ZGPAT: variants seen among roughly 807,000 people sequenced by gnomAD.
ZGPAT encodes zinc finger CCCH-type and G-patch domain containing, also known as zinc finger CCCH-type with G patch domain-containing protein.
Under a neutral mutation model 47.9 loss-of-function variants are expected in ZGPAT, and 39 were observed. The ratio of observed to expected loss-of-function variants is 0.81; its 90% CI spans 0.63 to 1.06. ZGPAT has a LOEUF of 1.06. Among genes scored for constraint, ZGPAT ranks in the 50% least tolerant of loss-of-function variants. The pLI is 0.00. For synonymous variants in ZGPAT, 348 were observed against 292.9 expected, an observed-to-expected ratio of 1.19 and a Z score of -1.92; for missense variants, 717 against 681.4, an observed-to-expected ratio of 1.05 and a Z score of -0.58.
Position 63,733,884 on chromosome 20 carries a change from G to T in ZGPAT, c.871+145G>T, listed in dbSNP as rs189474680. On this transcript the variant is annotated intron_variant, in intron 4 of 6. Coordinates refer to ENST00000355969, the MANE Select transcript of ZGPAT (RefSeq NM_181485.3). ...GGTGCCACCTGTGCCTGAGGAGGCCGTGTGGGTAGGGGTAGATCCGTGGCG... is the reference window on the plus strand; with the variant it reads ...GGTGCCACCTGTGCCTGAGGAGGCCTTGTGGGTAGGGGTAGATCCGTGGCG... The T allele has an allele frequency of 1.9e-5, 21 of 1,077,432 alleles. No homozygotes were observed. The African/African-American group carries it at 3.0e-4, about 16-fold the overall frequency. The allele number at this position is 1,077,432 out of a possible 1,614,324, so 66.7% of individuals were successfully genotyped here. A position where few individuals can be genotyped will look rare whatever the true frequency, so the allele number is the denominator to read the frequency against.
chr20:63,713,620 C>T (rs2091694166), intron 2 of ZGPAT, among the ~76,000 whole-genome samples: 1 of 151,364 alleles, frequency 6.6e-6, no homozygotes, highest in Non-Finnish European at 1.5e-5. Context: ...CCTGTAATCC[C>T]AGCACTTTGG....
rs890626312 is a variant in ZGPAT, at chr20:63,736,054, G to A, written c.*135G>A. 3 of 1,317,434 alleles carry A rather than the reference G, an allele frequency of 2.3e-6. No individual in the cohort carries two copies. The highest frequency in any genetic ancestry group is 1.5e-5 in the African/African-American group (1 of 67,060). 81.6% of individuals were successfully genotyped at this position (1,317,434 alleles called of 1,614,324 possible). A position where few individuals can be genotyped will look rare whatever the true frequency, so the allele number is the denominator to read the frequency against. ...ACTGCTGAGTGGAGACAGAGCTGCG[G>A]GGTCCCATCTGGACACTTACTTGCC... is the stretch of plus-strand genomic sequence containing the variant. On this transcript the variant is annotated 3_prime_UTR_variant, in exon 7 of 7. Coordinates refer to ENST00000355969, the MANE Select transcript of ZGPAT (RefSeq NM_181485.3).
At chr20:63,707,470 G>A (rs931168343), upstream of ZGPAT, 9 of 176,884 alleles carry the variant, frequency 5.1e-5, no homozygotes, top group South Asian at 1.3e-4. Context: ...AGCCCCGCCT[G>A]GGCCACGGCA....
chr20:63,721,612 T>C (rs899040001), intron 2 of ZGPAT, among the ~76,000 whole-genome samples: 4 of 152,156 alleles, frequency 2.6e-5, no homozygotes, highest in Non-Finnish European at 5.9e-5. Context: ...CCAAAGCCCT[T>C]AGACCTTCAT....
chr20:63,732,650 A>G (rs953257609), intron 2 of ZGPAT, among the ~76,000 whole-genome samples: 32 of 151,856 alleles, frequency 2.1e-4, no homozygotes, highest in African/African-American at 6.5e-4. Context: ...ACATGTGTTA[A>G]TGTGTGTGTA....
intron 2 of ZGPAT, among the ~76,000 whole-genome samples, chr20:63,727,516 TAA>T (rs550819112): frequency 3.5e-4 from 53 of 151,946 alleles, no homozygotes; most frequent in African/African-American, 1.1e-3. Context: ...ACTAAAAATA[TAA>T]AAGTTAGCTG....
intron 2 of ZGPAT, among the ~76,000 whole-genome samples, chr20:63,718,228 C>CT (rs1327115786): frequency 1.3e-5 from 2 of 152,072 alleles, no homozygotes; most frequent in Non-Finnish European, 2.9e-5. Flanking sequence ...TTTCATTGAT[C>CT]TCAAGACATC....
chr20:63,736,059 C>T lies in ZGPAT; in HGVS notation c.*140C>T, dbSNP rs968213339. The T allele has an allele frequency of 1.0e-5, 13 of 1,244,122 alleles. No homozygotes were observed. The highest frequency in any genetic ancestry group is 1.3e-5 in the Non-Finnish European group (12 of 908,380). 77.1% of individuals were successfully genotyped at this position (1,244,122 alleles called of 1,614,324 possible). ...TGAGTGGAGACAGAGCTGCGGGGTC[C>T]CATCTGGACACTTACTTGCCCACCT... is the stretch of plus-strand genomic sequence containing the variant. On this transcript the variant is annotated 3_prime_UTR_variant, in exon 7 of 7. Coordinates refer to ENST00000355969, the MANE Select transcript of ZGPAT (RefSeq NM_181485.3).
Position 63,735,313 on chromosome 20 carries a change from G to A in ZGPAT, c.1146G>A (p.Gly382=). Residue 382 remains glycine (G), a synonymous_variant, in exon 6 of 7, where the codon GGG becomes GGA. Transcript: ENST00000355969. ...AGCCCCCCAGGTGCCGGGGAAGAGG[G>A]GCCAGGCCTGGGGGCCGCCCAGCTC... is the stretch of plus-strand genomic sequence containing the variant. ...TNKPPRCRGR[G]ARPGGRPAPR... is the part of the protein sequence containing the mutation. The A allele has an allele frequency of 1.9e-6, 3 of 1,590,788 alleles. No homozygotes were observed. Among genetic ancestry groups the A allele is most frequent in the Non-Finnish European group, 2.6e-6 (3 of 1,169,728 alleles).
intron 2 of ZGPAT, 119 bp from the exon 3 acceptor site, chr20:63,733,100 G>T (rs574358149): frequency 3.1e-6 from 4 of 1,304,558 alleles, no homozygotes; most frequent in Non-Finnish European, 4.2e-6. Flanking sequence ...GTATGTATAC[G>T]CACGCGTGTG....
chr20:63,715,068 G>A (rs568741500), intron 2 of ZGPAT, among the ~76,000 whole-genome samples: 1 of 151,988 alleles, frequency 6.6e-6, no homozygotes, highest in Admixed American at 6.6e-5. Context: ...CTCAGATAAA[G>A]CACGCATATT....
chr20:63,731,099 A>G (rs2091896852), intron 2 of ZGPAT, among the ~76,000 whole-genome samples: 1 of 152,066 alleles, frequency 6.6e-6, no homozygotes, highest in Admixed American at 6.6e-5. Context: ...TCATGCACAT[A>G]CACACCCCCA....
rs1157265529 is a variant in ZGPAT at position 63,709,068 on chromosome 20, C to T, written c.488C>T (p.Ala163Val). The change falls in exon 2 of 7, where the codon GCG becomes GTG. Residue 163 changes from alanine to valine, a missense_variant. Transcript: ENST00000355969. ...VGTEEAEDGS[A>V]GVRVLYLYPT... The stretch of plus-strand genomic sequence containing the variant: ...ACGGAAGAGGCGGAGGATGGCTCGG[C>T]GGGTGTCCGTGTGCTTTACCTGTAC... 5.6e-6 allele frequency: 9 copies of T among 1,613,354 alleles called. No individual in the cohort carries two copies. Among genetic ancestry groups the T allele is most frequent in the Admixed American group, 3.3e-5 (2 of 60,006 alleles).
intron 2 of ZGPAT, among the ~76,000 whole-genome samples, chr20:63,731,480 AC>A (rs2091901694): frequency 9.8e-6 from 1 of 102,236 alleles, no homozygotes; most frequent in Non-Finnish European, 2.3e-5. Flanking sequence ...GCATGTGCAT[AC>A]GTGTGTAAAG....
chr20:63,734,693 C>A lies in ZGPAT; in HGVS notation c.872-12C>A. 1 of 1,613,216 alleles carries A rather than the reference C, an allele frequency of 6.2e-7. No individual in the cohort carries two copies. The highest frequency in any genetic ancestry group is 8.5e-7 in the Non-Finnish European group (1 of 1,179,528). On this transcript the variant is annotated splice_polypyrimidine_tract_variant and intron_variant, in intron 4 of 6. Transcript: ENST00000355969. Reference sequence around the variant, plus strand: ...TCTGCACAGTCCTCTGCCCTCTGTCCGTCTCTTGCAGTGGTGGGGTCAGAT... The same window carrying A: ...TCTGCACAGTCCTCTGCCCTCTGTCAGTCTCTTGCAGTGGTGGGGTCAGAT...
intron 2 of ZGPAT, among the ~76,000 whole-genome samples, chr20:63,724,989 T>C (rs996627200): frequency 2.7e-5 from 4 of 150,174 alleles, no homozygotes; most frequent in Non-Finnish European, 4.5e-5. Context: ...AATTTCTTTT[T>C]TTTTTTTTTT....
chr20:63,734,688 C>T lies in ZGPAT; in HGVS notation c.872-17C>T. The stretch of plus-strand genomic sequence containing the variant: ...TGGACTCTGCACAGTCCTCTGCCCT[C>T]TGTCCGTCTCTTGCAGTGGTGGGGT... On this transcript the variant is annotated splice_polypyrimidine_tract_variant and intron_variant, in intron 4 of 6. Transcript: ENST00000355969. 6.2e-7 allele frequency: 1 copy of T among 1,613,066 alleles called. No homozygotes were observed. The highest frequency in any genetic ancestry group is 8.5e-7 in the Non-Finnish European group (1 of 1,179,484).
intron 4 of ZGPAT, chr20:63,734,315 G>A: frequency 3.2e-6 from 1 of 315,860 alleles, no homozygotes; most frequent in South Asian, 5.2e-5. Flanking sequence ...CAGTGATGGT[G>A]GTTTCTGAAG....
chr20:63,730,020 G>GCGCACACACA (rs1341019059), intron 2 of ZGPAT: 3 of 151,224 alleles, frequency 2.0e-5, no homozygotes, highest in African/African-American at 4.9e-5. Context: ...ACTCTACTGC[G>GCGCACACACA]CACACACACA....
Sources: allele counts gnomAD v4.1 joint callset (sites outside exome capture counted in the v4.1 genomes callset), GRCh38; gene constraint gnomAD v4.1.1; transcripts MANE v1.5; gene names NCBI Gene and HGNC (gene_info 2026-07-23, HGNC 2026-07-21).